Variants in CST4 observed in about 807,000 individuals in gnomAD.
CST4 encodes the protein cystatin S, also known as cystatin-S.
In CST4, 17 loss-of-function variants were observed where a neutral mutation model predicts 11.2. That is an observed-to-expected ratio of 1.52 (90% CI 1.04 to 2.27). The LOEUF (loss-of-function observed/expected upper bound fraction) is 2.27, where lower values mean the gene tolerates loss of function less well. Ranked by LOEUF, CST4 falls within the 30% of genes most tolerant of loss-of-function variation. The pLI, the probability that CST4 is intolerant of heterozygous loss-of-function variation, is 0.00. For synonymous variants in CST4, 93 were observed against 70.1 expected, an observed-to-expected ratio of 1.33 and a Z score of -1.63; for missense variants, 251 against 180.2, an observed-to-expected ratio of 1.39 and a Z score of -2.25.
chr20:23,686,825 C>T (rs1981058710), intron 2 of CST4, among the ~76,000 whole-genome samples: 2 of 152,134 alleles, frequency 1.3e-5, no homozygotes, highest in South Asian at 4.1e-4. Flanking sequence ...ACTTCCGCCA[C>T]ACACCCACAC....
Position 23,688,940 on chromosome 20 carries a change from G to C in CST4, c.30C>G (p.Leu10=), listed in dbSNP as rs560056822. ...GAGCCCCAGCCAGGGTAGCCATCAG[G>C]AGTAGCAGGGTACACAGAGGCCGGG... MARPLCTLL[L]LMATLAGALA... is the part of the protein sequence containing the mutation. Residue 10 remains leucine, a synonymous_variant, in exon 1 of 3, where the codon CTC becomes CTG. Transcript: ENST00000217423. The C allele has an allele frequency of 1.2e-6, 2 of 1,614,172 alleles. No homozygotes were observed. Among genetic ancestry groups the C allele is most frequent in the African/African-American group, 2.7e-5 (2 of 75,050 alleles).
In CST4 at chr20:23,688,408, G is replaced by A. The variant is rs148660346; in HGVS notation, c.228+334C>T. 1.2e-4 allele frequency among the ~76,000 whole-genome samples: 18 copies of A among 152,310 alleles called. 1 individual carries two copies. The South Asian group carries it at 1.9e-3, about 16-fold the overall frequency. On this transcript the variant is annotated intron_variant, in intron 1 of 2. Transcript: ENST00000217423. ...CTCAGGGAGGAGAATGAGCCTCACC[G>A]CCTGGATCTCATCCTGAGCAGCATC... is the stretch of plus-strand genomic sequence containing the variant.
rs1352759440 is a variant in CST4, at chr20:23,688,767, A to C, written c.203T>G (p.Leu68Arg). Residue 68 changes from leucine (L) to arginine (R), a missense_variant, in exon 1 of 3, where the codon CTG becomes CGG. By Grantham distance (102) the Leu-to-Arg change is moderately radical. Coordinates refer to ENST00000217423, the MANE Select transcript of CST4 (RefSeq NM_001899.3). ...ATEDEYYRRP[L>R]QVLRAREQTF... ...CTGCTCCCTGGCTCGCAGCACCTGC[A>C]GCGGGCGTCTGTAGTACTCATCTTC... 6.2e-7 allele frequency: 1 copy of C among 1,614,108 alleles called. No homozygotes were observed. Among genetic ancestry groups the C allele is most frequent in the Non-Finnish European group, 8.5e-7 (1 of 1,180,014 alleles).
chr20:23,685,673 G>C lies in CST4; in HGVS notation c.*221C>G. On this transcript the variant is annotated 3_prime_UTR_variant, in exon 3 of 3. Coordinates refer to ENST00000217423, the MANE Select transcript of CST4 (RefSeq NM_001899.3). ...TACTGTTTAATTGCAGGAGGTGGGG[G>C]TGTGTGTACCATGTACCAGGTCTAT... 1.7e-6 allele frequency: 1 copy of C among 587,268 alleles called. No individual in the cohort carries two copies. The highest frequency in any genetic ancestry group is 3.0e-6 in the Non-Finnish European group (1 of 328,486). 36.4% of individuals were successfully genotyped at this position (587,268 alleles called of 1,614,324 possible).
intron 2 of CST4, among the ~76,000 whole-genome samples, chr20:23,686,785 A>C (rs1384166417): frequency 6.6e-6 from 1 of 151,882 alleles, no homozygotes; most frequent in East Asian, 1.9e-4. Flanking sequence ...TGGACCCCTC[A>C]TCCCCATGGA....
At chr20:23,686,622 G>A (rs140842264) in intron 2 of CST4, among the ~76,000 whole-genome samples, 26 of 152,246 alleles carry the variant, frequency 1.7e-4, no homozygotes, top group African/African-American at 4.8e-4. Context: ...AGCCCCGCAG[G>A]TGATTCTTCC....
intron 2 of CST4, 127 bp from the exon 3 acceptor site, chr20:23,686,104 G>C: frequency 2.1e-6 from 2 of 956,660 alleles, no homozygotes; most frequent in Admixed American, 2.0e-5. Flanking sequence ...ACCCACCCCT[G>C]CTGAGTCCCA....
rs139111437 is a variant in CST4 at position 23,688,193 on chromosome 20, G to A, written c.228+549C>T. Among the ~76,000 whole-genome samples, 590 of 152,346 alleles carry A rather than the reference G, an allele frequency of 3.9e-3. 3 individuals are homozygous for A. Among genetic ancestry groups the A allele is most frequent in the African/African-American group, 0.014 (571 of 41,578 alleles). On this transcript the variant is annotated intron_variant, in intron 1 of 2. Transcript: ENST00000217423. ...CTGAGGTCTAACTCTGCATCAGCTC[G>A]TAGAGGCAGGGCCAGGCGTGCTCCA...
At chr20:23,686,555 G>A (rs1382349415) in intron 2 of CST4, among the ~76,000 whole-genome samples, 1 of 152,116 alleles carries the variant, frequency 6.6e-6, no homozygotes, top group Non-Finnish European at 1.5e-5. Flanking sequence ...GGCTTTGGCT[G>A]CATGCAGGTG....
chr20:23,688,228 G>A (rs1224545193), intron 1 of CST4, among the ~76,000 whole-genome samples: 1 of 152,228 alleles, frequency 6.6e-6, no homozygotes, highest in Non-Finnish European at 1.5e-5. Context: ...ACCCCAGCAG[G>A]GACTCAGCCA....
Position 23,685,861 on chromosome 20 carries a change from T to C in CST4, c.*33A>G, listed in dbSNP as rs751536203. 2 of 1,608,794 alleles carry C rather than the reference T, an allele frequency of 1.2e-6. No individual in the cohort carries two copies. The highest frequency in any genetic ancestry group is 1.7e-6 in the Non-Finnish European group (2 of 1,175,414). Reference sequence around the variant, plus strand: ...GAGCACTACAGTGGGTGGGAGTGGGTGGTGGTCGGTGTGACTGGCCTGGCA... The same window carrying C: ...GAGCACTACAGTGGGTGGGAGTGGGCGGTGGTCGGTGTGACTGGCCTGGCA... On this transcript the variant is annotated 3_prime_UTR_variant, in exon 3 of 3. Coordinates refer to ENST00000217423, the MANE Select transcript of CST4 (RefSeq NM_001899.3).
chr20:23,688,254 G>T (rs997616606), intron 1 of CST4, among the ~76,000 whole-genome samples: 7 of 152,340 alleles, frequency 4.6e-5, no homozygotes, highest in African/African-American at 1.7e-4. Context: ...GCCTGCAGGG[G>T]TGGGTCAGCC....
In CST4 at chr20:23,686,971, G is replaced by A. The variant is rs28519622; in HGVS notation, c.342+117C>T. 5,036 of 1,140,144 alleles carry A rather than the reference G, an allele frequency of 4.4e-3. 47 individuals are homozygous for A. The highest frequency in any genetic ancestry group is 0.028 in the Middle Eastern group (134 of 4,812). 70.6% of individuals were successfully genotyped at this position (1,140,144 alleles called of 1,614,324 possible). A position where few individuals can be genotyped will look rare whatever the true frequency, so the allele number is the denominator to read the frequency against. Reference sequence around the variant, plus strand: ...ACACGTACACATCCATGCATACACGGCTCCCCACATACCCACCTGCACACA... The same window carrying A: ...ACACGTACACATCCATGCATACACGACTCCCCACATACCCACCTGCACACA... On this transcript the variant is annotated intron_variant, in intron 2 of 2. Coordinates refer to ENST00000217423, the MANE Select transcript of CST4 (RefSeq NM_001899.3).
At chr20:23,687,014 G>T (rs781367243) in intron 2 of CST4, 74 bp downstream of exon 2, 166 of 1,592,500 alleles carry the variant, frequency 1.0e-4, no homozygotes, top group Admixed American at 1.7e-4. Flanking sequence ...TCCAAACATG[G>T]GTAGGACAGA....
chr20:23,688,689 C>A (rs757207812), intron 1 of CST4, 53 bp downstream of exon 1: 3 of 1,555,460 alleles, frequency 1.9e-6, no homozygotes, highest in Non-Finnish European at 2.7e-6. Context: ...CTTGGGGGTC[C>A]GGCAACAAAC....
chr20:23,687,200 G>A lies in CST4; in HGVS notation c.230C>T (p.Thr77Ile), dbSNP rs772685013. 4.3e-6 allele frequency: 7 copies of A among 1,613,696 alleles called. No homozygotes were observed. The highest frequency in any genetic ancestry group is 2.2e-5 in the South Asian group (2 of 91,078). ...PLQVLRAREQ[T>I]FGGVNYFFDV... ...GAAGAAGTAATTCACCCCCCCAAAGGTCTGCACACAGGAGAAAACAGGAAG... is the reference window on the plus strand; with the variant it reads ...GAAGAAGTAATTCACCCCCCCAAAGATCTGCACACAGGAGAAAACAGGAAG... Residue 77 changes from threonine (T) to isoleucine (I), a missense_variant and splice_region_variant, in exon 2 of 3, where the codon ACC becomes ATC. Thr to Ile is a moderately conservative substitution (Grantham distance 89). Coordinates refer to ENST00000217423, the MANE Select transcript of CST4 (RefSeq NM_001899.3).
At chr20:23,686,011 G>A in intron 2 of CST4, 34 bp from the exon 3 acceptor site, 3 of 1,604,714 alleles carry the variant, frequency 1.9e-6, no homozygotes, top group Middle Eastern at 1.7e-4. Context: ...CAATCAGTGT[G>A]GGTTACAGTT....
At chr20:23,687,844 C>T (rs1443600077) in intron 1 of CST4, among the ~76,000 whole-genome samples, 4 of 152,300 alleles carry the variant, frequency 2.6e-5, no homozygotes, top group South Asian at 4.1e-4. Context: ...AATAGGCTTC[C>T]AGGTCTGATG....
At chr20:23,688,289 C>A (rs1032135748) in intron 1 of CST4, among the ~76,000 whole-genome samples, 1 of 152,220 alleles carries the variant, frequency 6.6e-6, no homozygotes, top group African/African-American at 2.4e-5. Context: ...GGCCACTAGC[C>A]CTAAGGGGCT....
Sources: gnomAD v4.1 joint callset for allele counts (sites outside exome capture counted in the v4.1 genomes callset) on GRCh38, gnomAD v4.1.1 for gene constraint, MANE v1.5 for transcripts, NCBI Gene and HGNC (gene_info 2026-07-23, HGNC 2026-07-21) for gene names.